MYO7B: variants seen among roughly 807,000 people sequenced by gnomAD.
MYO7B encodes the protein unconventional myosin-VIIb.
Under a neutral mutation model 259.7 loss-of-function variants are expected in MYO7B, and 212 were observed. The observed-to-expected ratio is 0.82, with a 90% CI of 0.73 to 0.91. MYO7B has a LOEUF of 0.91. Ranked by LOEUF, MYO7B falls within the 40% of genes least tolerant of loss-of-function variation. MYO7B has a pLI of 0.00. For missense variants in MYO7B, 2,732 were observed against 2,813.5 expected, an observed-to-expected ratio of 0.97 and a Z score of 0.66; for synonymous variants, 1,197 against 1,166.4, an observed-to-expected ratio of 1.03 and a Z score of -0.54.
rs1292269168 is a variant in MYO7B, at chr2:127,578,185, T to C, written c.902T>C (p.Ile301Thr). Reference sequence around the variant, plus strand: ...AACGACGCCAAGGACTACGCCCACATCCGCTCGGCCATGAAGATCCTCCAG... The same window carrying C: ...AACGACGCCAAGGACTACGCCCACACCCGCTCGGCCATGAAGATCCTCCAG... ...GLNDAKDYAH[I>T]RSAMKILQFS... The change falls in exon 9 of 48, where the codon ATC (isoleucine) becomes ACC (threonine). Residue 301 changes from isoleucine to threonine, a missense_variant. Transcript: ENST00000409816. The C allele has an allele frequency of 1.9e-6, 3 of 1,613,616 alleles. No individual in the cohort carries two copies. In the Admixed American group the frequency reaches 5.0e-5, roughly 27 times the overall value.
At chr2:127,606,052 C>A in intron 20 of MYO7B, 124 bp downstream of exon 20, 1 of 730,602 alleles carries the variant, frequency 1.4e-6, no homozygotes, top group Non-Finnish European at 2.3e-6. Flanking sequence ...AAATCATTCA[C>A]AGACGTGGCA....
In MYO7B at chr2:127,637,496, AGGGCCTGTCCTTGGC is replaced by A. The variant is rs1573737849; in HGVS notation, c.*84_*98del. ...GCACCTTCCCAGGCCCTCTCAACCCAGGGCCTGTCCTTGGCGGGCAGCCTTCCATGCTGCCCCCCA... is the reference window on the plus strand; with the variant it reads ...GCACCTTCCCAGGCCCTCTCAACCCAGGGCAGCCTTCCATGCTGCCCCCCA... On this transcript the variant is annotated 3_prime_UTR_variant, in exon 48 of 48. Transcript: ENST00000409816. 1.8e-6 allele frequency: 2 copies of A among 1,118,212 alleles called. No homozygotes were observed. The highest frequency in any genetic ancestry group is 2.5e-6 in the Non-Finnish European group (2 of 802,764). 69.3% of individuals were successfully genotyped at this position (1,118,212 alleles called of 1,614,324 possible). A position where few individuals can be genotyped will look rare whatever the true frequency, so the allele number is the denominator to read the frequency against.
rs1357307102 is a variant in MYO7B, at chr2:127,611,406, A to C, written c.3193-844A>C. Among the ~76,000 whole-genome samples the C allele has an allele frequency of 2.0e-5, 3 of 152,204 alleles. No homozygotes were observed. Among genetic ancestry groups the C allele is most frequent in the Non-Finnish European group, 4.4e-5 (3 of 68,032 alleles). ...CAGTCCAGCCAACCAGCACCTCTGA[A>C]GGGTGGACATGGGGGGAAGCAGGAC... On this transcript the variant is annotated intron_variant, in intron 24 of 47. Transcript: ENST00000409816. The surrounding 1 kb of genome is among the most constrained non-coding windows in gnomAD (Gnocchi z 5.4).
At chr2:127,612,001 G>C (rs1049614839) in intron 24 of MYO7B, among the ~76,000 whole-genome samples, 1 of 152,182 alleles carries the variant, frequency 6.6e-6, no homozygotes, top group Non-Finnish European at 1.5e-5. Flanking sequence ...GACCCACTGA[G>C]CAGCTTTTGT....
chr2:127,620,066 G>T (rs1373117657), intron 26 of MYO7B: 1 of 297,000 alleles, frequency 3.4e-6, no homozygotes, highest in East Asian at 5.7e-5. Context: ...GGCTGCTGAG[G>T]ACAGGGCTGT....
At chr2:127,602,292 A>G (rs1329889530) in intron 19 of MYO7B, among the ~76,000 whole-genome samples, 1 of 152,082 alleles carries the variant, frequency 6.6e-6, no homozygotes, top group African/African-American at 2.4e-5. Context: ...TTTTATGTCC[A>G]TTTACCTTCT....
chr2:127,620,266 G>A, intron 26 of MYO7B, 74 bp from the exon 27 acceptor site: 1 of 1,529,432 alleles, frequency 6.5e-7, no homozygotes, highest in Non-Finnish European at 8.9e-7. Flanking sequence ...CACAAGAGCT[G>A]TGTGCCCAGG....
At position 127,576,666 on chromosome 2, in the gene MYO7B, G is replaced by A. The variant is rs1371622800; in HGVS notation, c.807G>A (p.Leu269=). 1.2e-6 allele frequency: 2 copies of A among 1,612,220 alleles called. No individual in the cohort carries two copies. The highest frequency in any genetic ancestry group is 1.7e-5 in the Admixed American group (1 of 59,928). The change falls in exon 8 of 48, where the codon CTG becomes CTA. Residue 269 remains leucine, a synonymous_variant. Coordinates refer to ENST00000409816, the MANE Select transcript of MYO7B (RefSeq NM_001393586.1). This position sits in a 1 kb window ranked among gnomAD's most constrained non-coding sequence, Gnocchi z 4.9. ...LMGVSAEDKQ[L]LSLGTPSEYH... ...GGGTGAGTGCTGAGGACAAGCAGCT[G>A]CTGAGCCTGGGCACGCCCTCCGAGT... is the stretch of plus-strand genomic sequence containing the variant.
At chr2:127,561,174 G>C (rs1474824488) in intron 2 of MYO7B, among the ~76,000 whole-genome samples, 1 of 152,122 alleles carries the variant, frequency 6.6e-6, no homozygotes, top group Non-Finnish European at 1.5e-5. Context: ...ACTGCAAGCA[G>C]AGTTTAGAAA....
In MYO7B at chr2:127,636,396, G is replaced by A. The variant is rs571656131; in HGVS notation, c.6123+72G>A. 2,287 of 1,490,804 alleles carry A rather than the reference G, an allele frequency of 1.5e-3. 3 individuals are homozygous for A. Among genetic ancestry groups the A allele is most frequent in the Non-Finnish European group, 2.0e-3 (2,138 of 1,073,720 alleles). The allele number at this position is 1,490,804 out of a possible 1,614,324, so 92.3% of individuals were successfully genotyped here. A position where few individuals can be genotyped will look rare whatever the true frequency, so the allele number is the denominator to read the frequency against. On this transcript the variant is annotated intron_variant, in intron 45 of 47. Transcript: ENST00000409816. The surrounding 1 kb of genome is among the most constrained non-coding windows in gnomAD (Gnocchi z 4.5). Reference sequence around the variant, plus strand: ...TCAGCCCAGCCCCAGCAGGCCCAGCGTCAACCAGCACACATCTTGGGTGGG... The same window carrying A: ...TCAGCCCAGCCCCAGCAGGCCCAGCATCAACCAGCACACATCTTGGGTGGG...
Position 127,634,888 on chromosome 2 carries a change from GC to G in MYO7B, c.5713+209del. ...GCTGCACCTTGGAGTGATGAAGGAT[GC>G]CCCAGGGCTGAGGGGCATGACCCTC... On this transcript the variant is annotated intron_variant, in intron 42 of 47. Coordinates refer to ENST00000409816, the MANE Select transcript of MYO7B (RefSeq NM_001393586.1). 4.7e-6 allele frequency: 3 copies of G among 644,960 alleles called. No homozygotes were observed. In the South Asian group the frequency reaches 5.6e-5, roughly 12 times the overall value. 40.0% of individuals were successfully genotyped at this position (644,960 alleles called of 1,614,324 possible). A position where few individuals can be genotyped will look rare whatever the true frequency, so the allele number is the denominator to read the frequency against.
In MYO7B at chr2:127,636,958, C is replaced by T. The variant is rs1056480417; in HGVS notation, c.6327+45C>T. 1.9e-6 allele frequency: 3 copies of T among 1,601,902 alleles called. No individual in the cohort carries two copies. The African/African-American group carries it at 4.0e-5, about 21-fold the overall frequency. On this transcript the variant is annotated intron_variant, in intron 47 of 47. Coordinates refer to ENST00000409816, the MANE Select transcript of MYO7B (RefSeq NM_001393586.1). The surrounding 1 kb of genome is among the most constrained non-coding windows in gnomAD (Gnocchi z 4.5). Reference sequence around the variant, plus strand: ...CCCATCCAAGATGCATAGGACAGAGCTGCTGGAGACTGGGTTCCCCACCCT... The same window carrying T: ...CCCATCCAAGATGCATAGGACAGAGTTGCTGGAGACTGGGTTCCCCACCCT...
chr2:127,609,443 A>G lies in MYO7B; in HGVS notation c.2815-63A>G, dbSNP rs1680289347. 7 of 1,477,934 alleles carry G rather than the reference A, an allele frequency of 4.7e-6. No homozygotes were observed. Among genetic ancestry groups the G allele is most frequent in the Non-Finnish European group, 5.6e-6 (6 of 1,078,850 alleles). 91.6% of individuals were successfully genotyped at this position (1,477,934 alleles called of 1,614,324 possible). ...GTGCTGCCCGGCCTGCTGGACAGTC[A>G]GCTGATGGGTTGGTTGTTACCTGAA... On this transcript the variant is annotated intron_variant, in intron 22 of 47. Coordinates refer to ENST00000409816, the MANE Select transcript of MYO7B (RefSeq NM_001393586.1). The surrounding 1 kb of genome is among the most constrained non-coding windows in gnomAD (Gnocchi z 6.9).
At chr2:127,581,592 C>T (rs937195185) in intron 10 of MYO7B, among the ~76,000 whole-genome samples, 30 of 152,176 alleles carry the variant, frequency 2.0e-4, no homozygotes, top group Non-Finnish European at 5.9e-5. Context: ...TGATTTCAGT[C>T]AGGACATGCC....
chr2:127,623,129 G>A, intron 28 of MYO7B, 73 bp from the exon 29 acceptor site: 6 of 1,544,264 alleles, frequency 3.9e-6, no homozygotes, highest in Non-Finnish European at 5.3e-6. Flanking sequence ...GAGGAGGGAG[G>A]TAGTGGATGG....
intron 15 of MYO7B, among the ~76,000 whole-genome samples, chr2:127,589,202 G>A (rs1679442055): frequency 6.7e-6 from 1 of 148,534 alleles, no homozygotes; most frequent in Non-Finnish European, 1.5e-5. Flanking sequence ...TGAATGGATG[G>A]GTGGATGGGT....
Position 127,614,094 on chromosome 2 carries a change from A to G in MYO7B, c.3398+1491A>G, listed in dbSNP as rs1271159932. Among the ~76,000 whole-genome samples, 1 of 151,970 alleles carries G rather than the reference A, an allele frequency of 6.6e-6. No homozygotes were observed. The highest frequency in any genetic ancestry group is 1.5e-5 in the Non-Finnish European group (1 of 68,004). Reference sequence around the variant, plus strand: ...GCTGGTTCTAATTCTCTCATGGTTAATCCTCACTGGCCACCACACCACACC... The same window carrying G: ...GCTGGTTCTAATTCTCTCATGGTTAGTCCTCACTGGCCACCACACCACACC... On this transcript the variant is annotated intron_variant, in intron 26 of 47. Transcript: ENST00000409816. This position sits in a 1 kb window ranked among gnomAD's most constrained non-coding sequence, Gnocchi z 4.6.
intron 1 of MYO7B, among the ~76,000 whole-genome samples, chr2:127,552,686 G>A (rs1216837736): frequency 6.6e-6 from 1 of 152,116 alleles, no homozygotes; most frequent in African/African-American, 2.4e-5. Context: ...CGGGGAGGAG[G>A]GCAGGACCAC....
At chr2:127,589,960 G>C (rs948610555) in intron 15 of MYO7B, 132 bp from the exon 16 acceptor site, 1 of 1,012,168 alleles carries the variant, frequency 9.9e-7, no homozygotes, top group Non-Finnish European at 1.4e-6. Flanking sequence ...GGGTGGGTGG[G>C]TGGATTCTTG....
Sources: gnomAD v4.1 joint callset for allele counts (sites outside exome capture counted in the v4.1 genomes callset) on GRCh38, gnomAD v4.1.1 for gene constraint, Gnocchi (gnomAD v3.1) non-coding constraint, MANE v1.5 for transcripts, NCBI Gene and HGNC (gene_info 2026-07-23, HGNC 2026-07-21) for gene names.